Variants in IMPG1 observed in about 807,000 individuals in gnomAD.
The protein encoded by IMPG1 is interphotoreceptor matrix proteoglycan 1.
Under a neutral mutation model 92.0 loss-of-function variants are expected in IMPG1, and 85 were observed. That is an observed-to-expected ratio of 0.92 (90% confidence interval 0.78 to 1.11). The LOEUF (loss-of-function observed/expected upper bound fraction) is 1.11, where lower values mean the gene tolerates loss of function less well. Among genes scored for constraint, IMPG1 ranks in the 50% least tolerant of loss-of-function variants. The pLI is 0.00. For synonymous variants in IMPG1, 367 were observed against 334.1 expected, an observed-to-expected ratio of 1.10 and a Z score of -1.08; for missense variants, 1,022 against 956.0, an observed-to-expected ratio of 1.07 and a Z score of -0.91.
chr6:76,020,388 A>T (rs1452214843), intron 6 of IMPG1, among the ~76,000 whole-genome samples: 5 of 152,214 alleles, frequency 3.3e-5, no homozygotes, highest in African/African-American at 9.6e-5. Context: ...TCATGCCAGC[A>T]GTTCAACCAA....
At chr6:76,000,419 C>A (rs971457220) in intron 12 of IMPG1, among the ~76,000 whole-genome samples, 11 of 152,172 alleles carry the variant, frequency 7.2e-5, no homozygotes, top group Non-Finnish European at 1.5e-4. Context: ...GTTTTATTTT[C>A]TCTTCCATTT....
intron 1 of IMPG1, among the ~76,000 whole-genome samples, chr6:76,056,402 A>G (rs140679326): frequency 2.1e-4 from 32 of 152,248 alleles, no homozygotes; most frequent in Non-Finnish European, 4.4e-4. Flanking sequence ...AGCTAAAATA[A>G]GCATTATACT....
intron 4 of IMPG1, among the ~76,000 whole-genome samples, chr6:76,025,787 T>C (rs970243128): frequency 2.0e-5 from 3 of 152,192 alleles, no homozygotes; most frequent in Admixed American, 6.5e-5. Flanking sequence ...CTGTCTGTAA[T>C]GGTAACTAGC....
intron 14 of IMPG1, among the ~76,000 whole-genome samples, chr6:75,934,276 T>A (rs909932559): frequency 6.6e-6 from 1 of 152,222 alleles, no homozygotes; most frequent in African/African-American, 2.4e-5. Context: ...GGCTCCAATG[T>A]TTTTTCCTGT....
chr6:75,949,948 C>CATTTCTTATTGTATATGT, intron 13 of IMPG1, among the ~76,000 whole-genome samples: 1 of 152,110 alleles, frequency 6.6e-6, no homozygotes, highest in Non-Finnish European at 1.5e-5. Context: ...CATAGTTCAA[C>CATTTCTTATTGTATATGT]ATTTCTTATT....
At chr6:75,960,471 T>C (rs1782197428) in intron 12 of IMPG1, among the ~76,000 whole-genome samples, 1 of 152,210 alleles carries the variant, frequency 6.6e-6, no homozygotes, top group African/African-American at 2.4e-5. Context: ...CATTGGAACA[T>C]ACGTTTACTA....
chr6:75,947,290 A>C, intron 14 of IMPG1, 24 bp downstream of exon 14: 1 of 1,553,062 alleles, frequency 6.4e-7, no homozygotes, highest in South Asian at 1.1e-5. Context: ...CATCTCTACC[A>C]CTTTCTGGGT....
At chr6:76,022,340 C>A (rs1197258305) in intron 5 of IMPG1, 121 bp from the exon 6 acceptor site, 2 of 475,408 alleles carry the variant, frequency 4.2e-6, no homozygotes, top group Non-Finnish European at 8.0e-6. Flanking sequence ...TAGGTGCCTT[C>A]TGAACTCATC....
intron 12 of IMPG1, among the ~76,000 whole-genome samples, chr6:75,989,655 C>T (rs1782782650): frequency 6.6e-6 from 1 of 152,134 alleles, no homozygotes; most frequent in African/African-American, 2.4e-5. Context: ...CCAGCCTGGC[C>T]AACATGGTGA....
At chr6:75,966,094 G>C (rs141793863) in intron 12 of IMPG1, among the ~76,000 whole-genome samples, 5 of 152,050 alleles carry the variant, frequency 3.3e-5, no homozygotes, top group African/African-American at 4.8e-5. Context: ...AGGCCCTAAG[G>C]TTCCTAGTTA....
intron 4 of IMPG1, among the ~76,000 whole-genome samples, chr6:76,030,296 T>C (rs1783631888): frequency 6.6e-6 from 1 of 152,014 alleles, no homozygotes; most frequent in South Asian, 2.1e-4. Flanking sequence ...GATGCAAGGA[T>C]GGAGGAGGGA....
chr6:75,940,942 T>C (rs1781829098), intron 14 of IMPG1, among the ~76,000 whole-genome samples: 3 of 152,224 alleles, frequency 2.0e-5, no homozygotes, highest in African/African-American at 7.2e-5. Flanking sequence ...TCACTGTCTG[T>C]ATATGCCTGC....
At chr6:76,007,661 C>A (rs535239118) in intron 8 of IMPG1, among the ~76,000 whole-genome samples, 161 bp from the exon 9 acceptor site, 17 of 152,122 alleles carry the variant, frequency 1.1e-4, no homozygotes, top group African/African-American at 3.9e-4. Flanking sequence ...TATAAACTGC[C>A]ATCAGAATTT....
At chr6:75,937,576 A>G (rs1582053299) in intron 14 of IMPG1, among the ~76,000 whole-genome samples, 1 of 152,206 alleles carries the variant, frequency 6.6e-6, no homozygotes, top group Non-Finnish European at 1.5e-5. Context: ...GCAGCTGTAC[A>G]GTGGGGGGAA....
intron 1 of IMPG1, among the ~76,000 whole-genome samples, chr6:76,064,679 G>T (rs939842718): frequency 6.6e-6 from 1 of 152,178 alleles, no homozygotes; most frequent in Admixed American, 6.5e-5. Flanking sequence ...TGCTGAGGGA[G>T]CTCAGGCCAC....
intron 7 of IMPG1, among the ~76,000 whole-genome samples, chr6:76,017,933 A>G (rs1053670598): frequency 3.9e-5 from 6 of 152,050 alleles, no homozygotes; most frequent in Non-Finnish European, 7.4e-5. Flanking sequence ...TTGTATTTTT[A>G]GTAGAGACGG....
chr6:75,979,274 T>C (rs1311147528), intron 12 of IMPG1, among the ~76,000 whole-genome samples: 1 of 152,114 alleles, frequency 6.6e-6, no homozygotes. Flanking sequence ...AGGCTGACAT[T>C]GGAGCAATAT....
At chr6:76,025,335 C>A (rs1582113079) in intron 4 of IMPG1, 77 bp from the exon 5 acceptor site, 1 of 768,908 alleles carries the variant, frequency 1.3e-6, no homozygotes, top group East Asian at 2.5e-5. Context: ...ATTTAAATTT[C>A]TTATACTGAG....
chr6:76,003,095 G>A lies in IMPG1; in HGVS notation c.1213-99C>T, dbSNP rs1258345397. ...TTTCAAAATTTTCATTTAAATTTAG[G>A]CAAACTATTTTGTTGTTGACTTGAA... On this transcript the variant is annotated intron_variant, in intron 11 of 16. Transcript: ENST00000369950. 5 of 820,722 alleles carry A rather than the reference G, an allele frequency of 6.1e-6. No homozygotes were observed. In the East Asian group the frequency reaches 1.3e-4, roughly 21 times the overall value. 50.8% of individuals were successfully genotyped at this position (820,722 alleles called of 1,614,324 possible).
Sources: gnomAD v4.1 joint callset for allele counts (sites outside exome capture counted in the v4.1 genomes callset) on GRCh38, gnomAD v4.1.1 for gene constraint, MANE v1.5 for transcripts, NCBI Gene and HGNC (gene_info 2026-07-23, HGNC 2026-07-21) for gene names.